DCP2: variants seen among roughly 807,000 people sequenced by gnomAD.
DCP2 encodes the protein m7GpppN-mRNA hydrolase.
DCP2 carries 30 observed loss-of-function variants against 56.1 expected under a neutral mutation model. The ratio of observed to expected loss-of-function variants is 0.53; its 90% confidence interval spans 0.40 to 0.73. The LOEUF is 0.73. Among genes scored for constraint, DCP2 ranks in the 30% least tolerant of loss-of-function variants. The probability of loss-of-function intolerance (pLI) is 0.00; values close to 1 mark genes in which losing one functional copy is unlikely to be tolerated. For missense variants in DCP2, 533 were observed against 502.7 expected, an observed-to-expected ratio of 1.06 and a Z score of -0.58; for synonymous variants, 197 against 163.3, an observed-to-expected ratio of 1.21 and a Z score of -1.57.
chr5:112,979,045 C>T (rs565549243), intron 1 of DCP2, among the ~76,000 whole-genome samples: 1 of 152,198 alleles, frequency 6.6e-6, no homozygotes, highest in African/African-American at 2.4e-5. Flanking sequence ...GGAACCTATT[C>T]ACAAAATAAT....
rs543976359 is a variant in DCP2, at chr5:112,977,122, G to C, written c.53+136G>C. On this transcript the variant is annotated intron_variant, in intron 1 of 10. Coordinates refer to ENST00000389063, the MANE Select transcript of DCP2 (RefSeq NM_152624.6). ...CTCCCGCCGCTGCTCGCTTTCCATCGTCGACCCTGCTCTCCGACGACACCG... is the reference window on the plus strand; with the variant it reads ...CTCCCGCCGCTGCTCGCTTTCCATCCTCGACCCTGCTCTCCGACGACACCG... 11 of 614,780 alleles carry C rather than the reference G, an allele frequency of 1.8e-5. 1 individual carries two copies. The East Asian group carries it at 3.3e-4, about 18-fold the overall frequency. The allele number at this position is 614,780 out of a possible 1,614,324, so 38.1% of individuals were successfully genotyped here.
At chr5:112,999,265 C>T (rs1749013403) in intron 4 of DCP2, among the ~76,000 whole-genome samples, 1 of 152,096 alleles carries the variant, frequency 6.6e-6, no homozygotes, top group African/African-American at 2.4e-5. Flanking sequence ...AAGAGCAGAG[C>T]TAAAGAAAAT....
chr5:112,983,425 G>C (rs2150168574), intron 1 of DCP2, among the ~76,000 whole-genome samples: 1 of 152,284 alleles, frequency 6.6e-6, no homozygotes, highest in Non-Finnish European at 1.5e-5. Context: ...TAAAAAAATA[G>C]AGACGGGGTC....
In DCP2 at chr5:113,016,920, C is replaced by T. The variant is rs1391449680; in HGVS notation, c.*3436C>T. 3 of 150,668 alleles carry T rather than the reference C, an allele frequency of 2.0e-5. No individual in the cohort carries two copies. The highest frequency in any genetic ancestry group is 7.3e-5 in the African/African-American group (3 of 40,832). The allele number at this position is 150,668 out of a possible 1,614,324, so 9.3% of individuals were successfully genotyped here. ...GCAATGGTGCAATTTCGGCTCACCG[C>T]AACCTACGCCTCCCGGGTTCAAGTG... On this transcript the variant is annotated 3_prime_UTR_variant, in exon 11 of 11. Coordinates refer to ENST00000389063, the MANE Select transcript of DCP2 (RefSeq NM_152624.6).
rs564058120 is a variant in DCP2 at position 113,011,944 on chromosome 5, C to T, written c.1099+1137C>T. ...ATGTGGATATCCAGTTTTCCCAGCA[C>T]CATTTATTGAAGGGTCTATTATTTC... On this transcript the variant is annotated intron_variant, in intron 10 of 10. Coordinates refer to ENST00000389063, the MANE Select transcript of DCP2 (RefSeq NM_152624.6). 6.6e-5 allele frequency among the ~76,000 whole-genome samples: 10 copies of T among 152,220 alleles called. No individual in the cohort carries two copies. In the East Asian group the frequency reaches 1.7e-3, roughly 26 times the overall value.
intron 1 of DCP2, among the ~76,000 whole-genome samples, chr5:112,980,187 A>G (rs766353848): frequency 6.6e-6 from 1 of 152,254 alleles, no homozygotes; most frequent in Non-Finnish European, 1.5e-5. Context: ...TAAAGAATTG[A>G]AAAGCAAGTT....
chr5:112,979,575 A>C (rs1747901102), intron 1 of DCP2, among the ~76,000 whole-genome samples: 1 of 152,162 alleles, frequency 6.6e-6, no homozygotes, highest in African/African-American at 2.4e-5. Context: ...TAGTGTATAT[A>C]GGAAGTTTTC....
In DCP2 at chr5:113,009,943, G is replaced by C. The variant is rs553782635; in HGVS notation, c.1048-813G>C. On this transcript the variant is annotated intron_variant, in intron 9 of 10. Transcript: ENST00000389063. The stretch of plus-strand genomic sequence containing the variant: ...TTCCTTTTTTTTTTTTTTGAGACAG[G>C]GTCTCGCTCTGTCGTCTAGAGTACA... Among the ~76,000 whole-genome samples the C allele has an allele frequency of 2.0e-5, 3 of 146,972 alleles. No homozygotes were observed. In the South Asian group the frequency reaches 6.4e-4, roughly 31 times the overall value.
chr5:113,002,460 T>C (rs1313579900), intron 7 of DCP2, among the ~76,000 whole-genome samples: 1 of 151,994 alleles, frequency 6.6e-6, no homozygotes, highest in African/African-American at 2.4e-5. Flanking sequence ...GATTGTGTAT[T>C]ATCAAGAGTG....
At chr5:112,988,230 C>A (rs1352041311) in intron 2 of DCP2, among the ~76,000 whole-genome samples, 2 of 151,768 alleles carry the variant, frequency 1.3e-5, no homozygotes, top group East Asian at 1.9e-4. Flanking sequence ...TGCCTGTAAT[C>A]CCAGCACTTT....
chr5:112,992,026 A>G (rs1022253017), intron 2 of DCP2, 95 bp from the exon 3 acceptor site: 8 of 1,511,146 alleles, frequency 5.3e-6, no homozygotes, highest in Admixed American at 4.3e-5. Flanking sequence ...ATAATTTCAC[A>G]TGAAATACAC....
chr5:112,999,877 A>G (rs1014151155), intron 4 of DCP2, among the ~76,000 whole-genome samples: 39 of 151,682 alleles, frequency 2.6e-4, no homozygotes, highest in Admixed American at 1.8e-3. Flanking sequence ...CCTGGCCAAC[A>G]TGGTGAAACC....
rs916125702 is a variant in DCP2, at chr5:112,985,277, G to C, written c.54-558G>C. On this transcript the variant is annotated intron_variant, in intron 1 of 10. Coordinates refer to ENST00000389063, the MANE Select transcript of DCP2 (RefSeq NM_152624.6). The stretch of plus-strand genomic sequence containing the variant: ...GTATATTTATATGTAAAAGAAATAT[G>C]TCTTTCCTTTCCCCAATGTACATGG... Among the ~76,000 whole-genome samples the C allele has an allele frequency of 9.9e-5, 15 of 152,036 alleles. No individual in the cohort carries two copies. The Middle Eastern group carries it at 0.01, about 103-fold the overall frequency.
intron 8 of DCP2, among the ~76,000 whole-genome samples, chr5:113,005,575 C>T (rs976367254): frequency 1.3e-5 from 2 of 152,190 alleles, no homozygotes; most frequent in Non-Finnish European, 2.9e-5. Context: ...AATGGTGCAA[C>T]CGCTGTGGAA....
intron 9 of DCP2, among the ~76,000 whole-genome samples, chr5:113,008,862 T>TC (rs1051439788): frequency 6.6e-6 from 1 of 151,942 alleles, no homozygotes; most frequent in Non-Finnish European, 1.5e-5. Flanking sequence ...TTTTTTTTTT[T>TC]GAGATTGAGT....
In DCP2 at chr5:113,013,324, C is replaced by G; in HGVS notation, c.1103C>G (p.Ala368Gly). Residue 368 changes from alanine (A) to glycine (G), a missense_variant, in exon 11 of 11, where the codon GCT becomes GGT. Transcript: ENST00000389063. ...RKLQDNFETDAVYDLPSSSED... is the reference protein window; with the variant it reads ...RKLQDNFETDGVYDLPSSSED... Reference sequence around the variant, plus strand: ...ATTTTGTTTTTTCTTTAAACAGATGCTGTATATGACTTGCCTAGCTCCAGT... The same window carrying G: ...ATTTTGTTTTTTCTTTAAACAGATGGTGTATATGACTTGCCTAGCTCCAGT... 2 of 1,608,356 alleles carry G rather than the reference C, an allele frequency of 1.2e-6. No individual in the cohort carries two copies. The highest frequency in any genetic ancestry group is 1.1e-5 in the South Asian group (1 of 89,874).
At chr5:112,991,964 G>A (rs188290227) in intron 2 of DCP2, among the ~76,000 whole-genome samples, 157 bp from the exon 3 acceptor site, 189 of 152,294 alleles carry the variant, frequency 1.2e-3, no homozygotes, top group Non-Finnish European at 2.1e-3. Context: ...GGTTACAGGT[G>A]TGAGCCATGG....
chr5:112,993,442 T>C (rs887587891), intron 4 of DCP2, among the ~76,000 whole-genome samples: 4 of 151,928 alleles, frequency 2.6e-5, no homozygotes, highest in Non-Finnish European at 5.9e-5. Context: ...CTGACCAACA[T>C]GGAGAAACCC....
At position 112,994,202 on chromosome 5, in the gene DCP2, T is replaced by C. The variant is rs900913566; in HGVS notation, c.432+1432T>C. Among the ~76,000 whole-genome samples, 12 of 147,462 alleles carry C rather than the reference T, an allele frequency of 8.1e-5. No homozygotes were observed. In the South Asian group the frequency reaches 1.7e-3, roughly 21 times the overall value. ...TTTTTTTTTTTTAAAGACAGGGTCTTGCTCTGTTACTGAGGCTGGAGTACA... is the reference window on the plus strand; with the variant it reads ...TTTTTTTTTTTTAAAGACAGGGTCTCGCTCTGTTACTGAGGCTGGAGTACA... On this transcript the variant is annotated intron_variant, in intron 4 of 10. Transcript: ENST00000389063.
Sources: gnomAD v4.1 joint callset for allele counts (sites outside exome capture counted in the v4.1 genomes callset) on GRCh38, gnomAD v4.1.1 for gene constraint, MANE v1.5 for transcripts, NCBI Gene and HGNC (gene_info 2026-07-23, HGNC 2026-07-21) for gene names.